PPFIBP1: variants seen among roughly 807,000 people sequenced by gnomAD.
PPFIBP1 encodes liprin-beta-1.
Under a neutral mutation model 137.8 loss-of-function variants are expected in PPFIBP1, and 112 were observed. The observed-to-expected ratio is 0.81, with a 90% CI of 0.70 to 0.95. PPFIBP1 has a LOEUF of 0.95. Among genes scored for constraint, PPFIBP1 ranks in the 40% least tolerant of loss-of-function variants. The pLI, the probability that PPFIBP1 is intolerant of heterozygous loss-of-function variation, is 0.00. For synonymous variants in PPFIBP1, 378 were observed against 417.3 expected, an observed-to-expected ratio of 0.91 and a Z score of 1.15; for missense variants, 1,083 against 1,196.6, an observed-to-expected ratio of 0.91 and a Z score of 1.40.
At chr12:27,583,567 C>A (rs1021845214) in intron 2 of PPFIBP1, among the ~76,000 whole-genome samples, 1 of 152,086 alleles carries the variant, frequency 6.6e-6, no homozygotes, top group Non-Finnish European at 1.5e-5. Flanking sequence ...CGCACAGAGG[C>A]CTTTGAACAA....
chr12:27,544,944 TTGC>T (rs1406593125), intron 1 of PPFIBP1, among the ~76,000 whole-genome samples: 128 of 152,344 alleles, frequency 8.4e-4, no homozygotes, highest in African/African-American at 2.8e-3. Context: ...CGTGTGTTTA[TTGC>T]AGCACTATTC....
intron 1 of PPFIBP1, among the ~76,000 whole-genome samples, chr12:27,536,909 G>A (rs1480019911): frequency 1.3e-5 from 2 of 152,070 alleles, no homozygotes; most frequent in African/African-American, 4.8e-5. Context: ...GTTTCCCTTG[G>A]TCCTAACGTC....
chr12:27,623,095 C>A (rs952505506), intron 2 of PPFIBP1, among the ~76,000 whole-genome samples: 1 of 152,026 alleles, frequency 6.6e-6, no homozygotes, highest in Non-Finnish European at 1.5e-5. Context: ...ATGTAGCCTG[C>A]ATACATTAGG....
chr12:27,558,342 C>A (rs937600974), intron 1 of PPFIBP1, among the ~76,000 whole-genome samples: 2 of 151,420 alleles, frequency 1.3e-5, no homozygotes, highest in African/African-American at 4.9e-5. Context: ...ATGAACAGGG[C>A]TACTTCCAGT....
chr12:27,563,704 C>T (rs1269785711), intron 1 of PPFIBP1, among the ~76,000 whole-genome samples: 1 of 152,070 alleles, frequency 6.6e-6, no homozygotes, highest in Non-Finnish European at 1.5e-5. Context: ...GGTGGCACTA[C>T]TCCCTCCTTA....
intron 1 of PPFIBP1, among the ~76,000 whole-genome samples, chr12:27,536,580 G>A (rs1945035976): frequency 6.6e-6 from 1 of 152,128 alleles, no homozygotes; most frequent in African/African-American, 2.4e-5. Context: ...CCATTCATGA[G>A]GGATCCGCCC....
intron 4 of PPFIBP1, among the ~76,000 whole-genome samples, chr12:27,642,312 T>A (rs2058167351): frequency 6.6e-6 from 1 of 152,214 alleles, no homozygotes; most frequent in Non-Finnish European, 1.5e-5. Flanking sequence ...TCGACTTAGC[T>A]GGATTGAATG....
At chr12:27,623,924 T>G (rs1310640819) in intron 2 of PPFIBP1, among the ~76,000 whole-genome samples, 1 of 152,134 alleles carries the variant, frequency 6.6e-6, no homozygotes, top group Non-Finnish European at 1.5e-5. Context: ...GCGGAGCAGA[T>G]AGCAGAAATA....
chr12:27,529,640 G>A (rs956273774), intron 1 of PPFIBP1, among the ~76,000 whole-genome samples: 1 of 152,268 alleles, frequency 6.6e-6, no homozygotes, highest in Non-Finnish European at 1.5e-5. Context: ...GTTACAGTGA[G>A]CTGAGATCAC....
chr12:27,674,852 G>T (rs1005917636), intron 17 of PPFIBP1, among the ~76,000 whole-genome samples: 1 of 115,058 alleles, frequency 8.7e-6, no homozygotes, highest in African/African-American at 3.4e-5. Flanking sequence ...TCACTTTGTC[G>T]TCCAGGCTGG....
intron 18 of PPFIBP1, 52 bp downstream of exon 18, chr12:27,676,651 A>G (rs1201095605): frequency 2.9e-6 from 4 of 1,382,724 alleles, no homozygotes; most frequent in Non-Finnish European, 4.0e-6. Context: ...GGAGGAAAAG[A>G]GCAGTGTCTT....
intron 10 of PPFIBP1, among the ~76,000 whole-genome samples, chr12:27,659,524 G>A (rs1043969438): frequency 9.9e-5 from 15 of 151,990 alleles, no homozygotes. Flanking sequence ...GAGGTGGAAG[G>A]ATCACTTGAG....
At chr12:27,592,771 GT>G in intron 2 of PPFIBP1, 1 of 806,762 alleles carries the variant, frequency 1.2e-6, no homozygotes, top group Non-Finnish European at 2.1e-6. Flanking sequence ...TAAAGAATAT[GT>G]TAGGTAGGCG....
chr12:27,661,729 AAGAACT>A (rs1200417445), intron 11 of PPFIBP1, among the ~76,000 whole-genome samples: 2 of 152,206 alleles, frequency 1.3e-5, no homozygotes, highest in African/African-American at 4.8e-5. Context: ...CAAAAAGTCA[AAGAACT>A]TTAGCTTGAT....
chr12:27,584,978 A>G (rs978981813), intron 2 of PPFIBP1, among the ~76,000 whole-genome samples: 1 of 152,244 alleles, frequency 6.6e-6, no homozygotes, highest in Non-Finnish European at 1.5e-5. Context: ...GCATCATTTT[A>G]GCCTAGATAT....
At chr12:27,662,572 A>G (rs1304223828) in intron 11 of PPFIBP1, among the ~76,000 whole-genome samples, 3 of 152,198 alleles carry the variant, frequency 2.0e-5, no homozygotes, top group Admixed American at 2.0e-4. Context: ...GGTTGACAAG[A>G]TTTAAGATCT....
chr12:27,689,496 G>C (rs1039602497), intron 27 of PPFIBP1, among the ~76,000 whole-genome samples: 1 of 152,020 alleles, frequency 6.6e-6, no homozygotes, highest in Non-Finnish European at 1.5e-5. Flanking sequence ...CAGCAGGGTC[G>C]CAGTAACAAT....
intron 2 of PPFIBP1, among the ~76,000 whole-genome samples, chr12:27,585,154 T>TTGAA (rs1192478858): frequency 6.6e-6 from 1 of 152,238 alleles, no homozygotes; most frequent in Admixed American, 6.5e-5. Flanking sequence ...TTAAATGAAT[T>TTGAA]TGAATGAATG....
chr12:27,647,279 G>C (rs2058576630), intron 5 of PPFIBP1, among the ~76,000 whole-genome samples: 1 of 152,146 alleles, frequency 6.6e-6, no homozygotes, highest in Non-Finnish European at 1.5e-5. Context: ...GGGATTACAG[G>C]CGTGAGCCAC....
Sources: allele counts gnomAD v4.1 joint callset (sites outside exome capture counted in the v4.1 genomes callset), GRCh38; gene constraint gnomAD v4.1.1; transcripts MANE v1.5; gene names NCBI Gene and HGNC (gene_info 2026-07-23, HGNC 2026-07-21).